The following SEC16A variants were observed in gnomAD, a reference collection of about 807,000 sequenced individuals.
SEC16A encodes the protein SEC16 homolog A, endoplasmic reticulum export factor, also known as protein transport protein Sec16A.
A neutral mutation model predicts 221.9 loss-of-function variants in SEC16A; 110 were observed. The observed-to-expected ratio is 0.50, with a 90% CI of 0.42 to 0.58. SEC16A has a LOEUF of 0.58. SEC16A is among the 20% of genes least tolerant of loss of function. The probability of loss-of-function intolerance (pLI) is 0.00; values close to 1 mark genes in which losing one functional copy is unlikely to be tolerated. For missense variants in SEC16A, 3,165 were observed against 3,097.8 expected (o/e 1.02, Z -0.52); for synonymous variants, 1,393 against 1,257.7 (o/e 1.11, Z -2.28).
chr9:136,454,306 C>T lies in SEC16A; in HGVS notation c.5879G>A (p.Gly1960Asp), dbSNP rs1322399058. ...CACTCTGGCAGGACTGGCCAATGGGCCGTCAGGGAGCGTCTGCGGAGCTGC... is the reference window on the plus strand; with the variant it reads ...CACTCTGGCAGGACTGGCCAATGGGTCGTCAGGGAGCGTCTGCGGAGCTGC... The part of the protein sequence containing the change: ...LPSAPQTLPD[G>D]PLASPARVPM... The change falls in exon 21 of 32, where the codon GGC becomes GAC. Residue 1960 changes from glycine (G) to aspartate (D), a missense_variant. Physicochemically the swap from Gly to Asp is moderately conservative, Grantham distance 94. Transcript: ENST00000684901. The T allele has an allele frequency of 6.3e-7, 1 of 1,580,110 alleles. No homozygotes were observed. The highest frequency in any genetic ancestry group is 1.8e-5 in the Admixed American group (1 of 54,428).
chr9:136,475,899 C>T lies in SEC16A; in HGVS notation c.1717G>A (p.Gly573Ser). 6.2e-7 allele frequency: 1 copy of T among 1,610,020 alleles called. No individual in the cohort carries two copies. The highest frequency in any genetic ancestry group is 8.5e-7 in the Non-Finnish European group (1 of 1,178,026). Residue 573 changes from glycine to serine, a missense_variant, in exon 3 of 32, where the codon GGT (glycine) becomes AGT (serine). Physicochemically the swap from Gly to Ser is moderately conservative, Grantham distance 56. Coordinates refer to ENST00000684901, the MANE Select transcript of SEC16A (RefSeq NM_014866.2). The surrounding 1 kb of genome is among the most constrained non-coding windows in gnomAD (Gnocchi z 5.0). ...FKQIDSSPVG[G>S]ETDETTVSQN... is the part of the protein sequence containing the mutation. ...CTCACAGTGGTCTCGTCTGTTTCAC[C>T]TCCTACGGGAGAAGAATCGATTTGC... is the stretch of plus-strand genomic sequence containing the variant.
intron 9 of SEC16A, among the ~76,000 whole-genome samples, chr9:136,464,119 C>G (rs1839859154): frequency 2.0e-5 from 3 of 151,958 alleles, no homozygotes; most frequent in Non-Finnish European, 2.9e-5. Flanking sequence ...GGCCCACCCA[C>G]TGCATCTATC....
chr9:136,459,684 C>A lies in SEC16A; in HGVS notation c.5191+73G>T. The A allele has an allele frequency of 7.1e-7, 1 of 1,412,810 alleles. No homozygotes were observed. The highest frequency in any genetic ancestry group is 9.8e-7 in the Non-Finnish European group (1 of 1,024,736). The allele number at this position is 1,412,810 out of a possible 1,614,324, so 87.5% of individuals were successfully genotyped here. ...GAAGGCCGGGTTCTGGTGATTTCTG[C>A]CAACGCCACAGACAACCGGGCCTTC... On this transcript the variant is annotated intron_variant, in intron 15 of 31. Coordinates refer to ENST00000684901, the MANE Select transcript of SEC16A (RefSeq NM_014866.2). The surrounding 1 kb of genome is among the most constrained non-coding windows in gnomAD (Gnocchi z 6.1).
Position 136,476,053 on chromosome 9 carries a change from C to T in SEC16A, c.1563G>A (p.Val521=). ...ATLHTVHPDS[V]SSSYSSRSHG... ...GGCTTCTGCTGCTATAGCTGGATGA[C>T]ACGCTGTCAGGGTGCACTGTATGCA... Residue 521 remains valine, a synonymous_variant, in exon 3 of 32, where the codon GTG becomes GTA. Transcript: ENST00000684901. The T allele has an allele frequency of 6.2e-7, 1 of 1,613,502 alleles. No individual in the cohort carries two copies. Among genetic ancestry groups the T allele is most frequent in the Non-Finnish European group, 8.5e-7 (1 of 1,179,870 alleles).
Position 136,451,276 on chromosome 9 carries a change from C to A in SEC16A, c.6292G>T (p.Glu2098Ter). 6.2e-7 allele frequency: 1 copy of A among 1,612,494 alleles called. No individual in the cohort carries two copies. ...TKRPGQAAKK[E>*]TKEPKKGESW... The stretch of plus-strand genomic sequence containing the variant: ...ACTACCTTCTTAGGTTCCTTCGTTT[C>A]TTTCTTGGCTGCCTGTCCGGGTCTC... Residue 2098 changes from glutamate to a stop codon, truncating the protein, a stop_gained, in exon 23 of 32, where the codon GAA becomes TAA. Coordinates refer to ENST00000684901, the MANE Select transcript of SEC16A (RefSeq NM_014866.2). LOFTEE classifies it high-confidence loss of function.
At chr9:136,449,622 C>T (rs528348851) in intron 23 of SEC16A, among the ~76,000 whole-genome samples, 6 of 152,278 alleles carry the variant, frequency 3.9e-5, no homozygotes, top group South Asian at 2.1e-4. Flanking sequence ...AGGTGTGAGC[C>T]GCCATGCCCG....
chr9:136,442,275 C>T (rs1015444718), intron 31 of SEC16A, among the ~76,000 whole-genome samples: 4 of 152,254 alleles, frequency 2.6e-5, no homozygotes, highest in Non-Finnish European at 5.9e-5. Context: ...TTTGTAAAGG[C>T]ACTAACCACA....
rs1478712151 is a variant in SEC16A at position 136,476,717 on chromosome 9, C to T, written c.899G>A (p.Ser300Asn). The change falls in exon 3 of 32, where the codon AGT becomes AAT. Residue 300 changes from serine to asparagine, a missense_variant. Ser to Asn is a conservative substitution (Grantham distance 46). Coordinates refer to ENST00000684901, the MANE Select transcript of SEC16A (RefSeq NM_014866.2). ...AATTCTGGGATTTTGCCTGAATGTACTTTCAGGATCAGAGTTATTGGCCAG... is the reference window on the plus strand; with the variant it reads ...AATTCTGGGATTTTGCCTGAATGTATTTTCAGGATCAGAGTTATTGGCCAG... ...SHLANNSDPE[S>N]TFRQNPRIVN... 2 of 1,591,656 alleles carry T rather than the reference C, an allele frequency of 1.3e-6. No homozygotes were observed. The highest frequency in any genetic ancestry group is 4.5e-5 in the East Asian group (2 of 44,586).
chr9:136,479,786 C>T (rs940628909), intron 1 of SEC16A, among the ~76,000 whole-genome samples: 28 of 151,840 alleles, frequency 1.8e-4, no homozygotes, highest in African/African-American at 6.5e-4. Context: ...GGTAGGAGGA[C>T]CACTCGAGTT....
At position 136,447,091 on chromosome 9, in the gene SEC16A, C is replaced by T; in HGVS notation, c.6697+136G>A. The stretch of plus-strand genomic sequence containing the variant: ...AACAGGCAAATCAAAAAAAAAACCA[C>T]AAACCAACCCCAGGCTCTCTGCATG... On this transcript the variant is annotated intron_variant, in intron 27 of 31. Transcript: ENST00000684901. This position sits in a 1 kb window ranked among gnomAD's most constrained non-coding sequence, Gnocchi z 5.5. The T allele has an allele frequency of 1.3e-6, 2 of 1,514,898 alleles. No individual in the cohort carries two copies. Among genetic ancestry groups the T allele is most frequent in the Non-Finnish European group, 1.8e-6 (2 of 1,132,916 alleles). 93.8% of individuals were successfully genotyped at this position (1,514,898 alleles called of 1,614,324 possible).
At position 136,459,401 on chromosome 9, in the gene SEC16A, T is replaced by C; in HGVS notation, c.5303+43A>G. ...TAAAGGAGAAGGATTTTGTTTTACT[T>C]TGAAAGGAAAACTTACAGGACTACA... On this transcript the variant is annotated intron_variant, in intron 16 of 31. Coordinates refer to ENST00000684901, the MANE Select transcript of SEC16A (RefSeq NM_014866.2). This position sits in a 1 kb window ranked among gnomAD's most constrained non-coding sequence, Gnocchi z 6.1. The C allele has an allele frequency of 6.6e-7, 1 of 1,505,782 alleles. No individual in the cohort carries two copies. Among genetic ancestry groups the C allele is most frequent in the Non-Finnish European group, 9.1e-7 (1 of 1,104,456 alleles). The allele number at this position is 1,505,782 out of a possible 1,614,324, so 93.3% of individuals were successfully genotyped here.
chr9:136,454,157 G>A lies in SEC16A; in HGVS notation c.6028C>T (p.Leu2010=). 6 of 1,556,034 alleles carry A rather than the reference G, an allele frequency of 3.9e-6. No individual in the cohort carries two copies. The African/African-American group carries it at 6.8e-5, about 18-fold the overall frequency. Residue 2010 remains leucine, a synonymous_variant, in exon 21 of 32, where the codon CTG becomes TTG. Coordinates refer to ENST00000684901, the MANE Select transcript of SEC16A (RefSeq NM_014866.2). ...TGGAGCAAGTGTCTCCTTTCCTGCA[G>A]AGGTGGCACACCAGGTGGGAGGCCA... The part of the protein sequence containing the change: ...GPGLPPGVPP[L]QERRHLLQEA...
chr9:136,451,332 G>A lies in SEC16A; in HGVS notation c.6236C>T (p.Pro2079Leu). The change falls in exon 23 of 32, where the codon CCT (proline) becomes CTT (leucine). Residue 2079 changes from proline (P) to leucine (L), a missense_variant. Pro to Leu is a moderately conservative substitution (Grantham distance 98). Coordinates refer to ENST00000684901, the MANE Select transcript of SEC16A (RefSeq NM_014866.2). Reference protein sequence around the residue: ...DRADSGPTQPPLSLSPAPETK... With the variant: ...DRADSGPTQPLLSLSPAPETK... ...TTCGGGAGCGGGTGAGAGAGACAGAGGTGGCTGCGTGGGACCCGAGTCGGC... is the reference window on the plus strand; with the variant it reads ...TTCGGGAGCGGGTGAGAGAGACAGAAGTGGCTGCGTGGGACCCGAGTCGGC... 1.2e-6 allele frequency: 2 copies of A among 1,613,830 alleles called. No individual in the cohort carries two copies. The highest frequency in any genetic ancestry group is 1.7e-6 in the Non-Finnish European group (2 of 1,179,814).
chr9:136,477,650 G>C lies in SEC16A; in HGVS notation c.-35C>G, dbSNP rs1156838750. On this transcript the variant is annotated 5_prime_UTR_variant, in exon 3 of 32. Transcript: ENST00000684901. The stretch of plus-strand genomic sequence containing the variant: ...CTTGCACAAGTCGATGCTGCTTACA[G>C]AAGGAAGCAGGATATAGCTGTTCCT... 1.9e-6 allele frequency: 3 copies of C among 1,558,658 alleles called. No homozygotes were observed. Among genetic ancestry groups the C allele is most frequent in the Non-Finnish European group, 2.6e-6 (3 of 1,154,346 alleles).
rs1162517425 is a variant in SEC16A, at chr9:136,443,807, G to C, written c.7005+16C>G. On this transcript the variant is annotated intron_variant, in intron 31 of 31. Transcript: ENST00000684901. ...GGCGTGTTAGGGTCTCGTAGGGAAA[G>C]GTAGGAGTCACTCACCTGTGCCAGC... The C allele has an allele frequency of 6.2e-7, 1 of 1,606,334 alleles. No individual in the cohort carries two copies. Among genetic ancestry groups the C allele is most frequent in the Non-Finnish European group, 8.5e-7 (1 of 1,174,960 alleles).
In SEC16A at chr9:136,477,627, T is replaced by G; in HGVS notation, c.-12A>C. On this transcript the variant is annotated 5_prime_UTR_variant, in exon 3 of 32. Coordinates refer to ENST00000684901, the MANE Select transcript of SEC16A (RefSeq NM_014866.2). The stretch of plus-strand genomic sequence containing the variant: ...GGCGGTGGCTGCATGACTGAACCCT[T>G]GCACAAGTCGATGCTGCTTACAGAA... 1 of 1,591,230 alleles carries G rather than the reference T, an allele frequency of 6.3e-7. No individual in the cohort carries two copies. The highest frequency in any genetic ancestry group is 8.6e-7 in the Non-Finnish European group (1 of 1,168,506).
Position 136,455,775 on chromosome 9 carries a change from G to A in SEC16A, c.5683C>T (p.His1895Tyr). 6.2e-7 allele frequency: 1 copy of A among 1,600,344 alleles called. No individual in the cohort carries two copies. The highest frequency in any genetic ancestry group is 1.1e-5 in the South Asian group (1 of 88,528). Residue 1895 changes from histidine (H) to tyrosine (Y), a missense_variant, in exon 20 of 32, where the codon CAT becomes TAT. Transcript: ENST00000684901. ...TGCTGCGGGAGGGCTCCATCCTGATGCCATACTCCAGCCCCCTCCTGAGGG... is the reference window on the plus strand; with the variant it reads ...TGCTGCGGGAGGGCTCCATCCTGATACCATACTCCAGCCCCCTCCTGAGGG... Reference protein sequence around the residue: ...RQIKEGAGVWHQDGALPQQCP... With the variant: ...RQIKEGAGVWYQDGALPQQCP...
chr9:136,450,168 C>T (rs1254428669), intron 23 of SEC16A, among the ~76,000 whole-genome samples: 1 of 152,276 alleles, frequency 6.6e-6, no homozygotes, highest in East Asian at 1.9e-4. Context: ...CATGCCAATG[C>T]ACTCCAGCCT....
At chr9:136,448,814 G>A (rs1837397761) in intron 23 of SEC16A, 1 of 714,264 alleles carries the variant, frequency 1.4e-6, no homozygotes, top group African/African-American at 1.8e-5. Context: ...GACACCAGGA[G>A]GATGGAGGTG....
Sources: allele counts gnomAD v4.1 joint callset (sites outside exome capture counted in the v4.1 genomes callset), GRCh38; gene constraint gnomAD v4.1.1; non-coding constraint Gnocchi (gnomAD v3.1); transcripts MANE v1.5; gene names NCBI Gene and HGNC (gene_info 2026-07-23, HGNC 2026-07-21).